The following FAM222B variants were observed in gnomAD, a reference collection of about 807,000 sequenced individuals.
The protein encoded by FAM222B is protein FAM222B.
A neutral mutation model predicts 38.0 loss-of-function variants in FAM222B; 12 were observed. That is an observed-to-expected ratio of 0.32 (90% confidence interval 0.20 to 0.51). The LOEUF (loss-of-function observed/expected upper bound fraction) is 0.51. FAM222B is among the 20% of genes least tolerant of loss of function. The probability of loss-of-function intolerance (pLI) is 0.97; values close to 1 mark genes in which losing one functional copy is unlikely to be tolerated. For missense variants in FAM222B, 716 were observed against 754.2 expected, an observed-to-expected ratio of 0.95 and a Z score of 0.59; for synonymous variants, 329 against 317.2, an observed-to-expected ratio of 1.04 and a Z score of -0.40.
intron 1 of FAM222B, among the ~76,000 whole-genome samples, chr17:28,791,675 ATTT>A (rs869183871): frequency 3.4e-5 from 4 of 116,852 alleles, no homozygotes; most frequent in African/African-American, 6.6e-5. Context: ...GAGCCCAGGA[ATTT>A]TTTTTTTTTT....
At chr17:28,786,934 T>C (rs969743920) in intron 1 of FAM222B, among the ~76,000 whole-genome samples, 11 of 129,912 alleles carry the variant, frequency 8.5e-5, no homozygotes, top group African/African-American at 3.2e-4. Context: ...AGACAGAGTC[T>C]CGCTCTGTCG....
intron 1 of FAM222B, among the ~76,000 whole-genome samples, chr17:28,828,095 ATTTTTTTTTTTTTTTT>A (rs528492764): frequency 2.7e-5 from 2 of 74,634 alleles, no homozygotes; most frequent in African/African-American, 1.4e-4. Context: ...ATCAAATCCA[ATTTTTTTTTTTTTTTT>A]TTTTTTTTTT....
chr17:28,810,453 AGCT>A (rs1443471443), intron 1 of FAM222B, among the ~76,000 whole-genome samples: 9 of 27,332 alleles, frequency 3.3e-4, no homozygotes, highest in African/African-American at 2.7e-3. Context: ...TTTATATACT[AGCT>A]AACTTTGTTT....
chr17:28,805,436 G>A (rs557364203), intron 1 of FAM222B, among the ~76,000 whole-genome samples: 1 of 152,228 alleles, frequency 6.6e-6, no homozygotes, highest in African/African-American at 2.4e-5. Context: ...TCAGGAGGCT[G>A]AGGCACAAGA....
intron 1 of FAM222B, among the ~76,000 whole-genome samples, chr17:28,772,710 T>C (rs2035696032): frequency 6.6e-6 from 1 of 151,120 alleles, no homozygotes; most frequent in South Asian, 2.1e-4. Context: ...GCCTGGCCAA[T>C]ATGGTGAAAC....
At chr17:28,778,717 ATATTTTTT>A (rs1284441638) in intron 1 of FAM222B, among the ~76,000 whole-genome samples, 2 of 58,386 alleles carry the variant, frequency 3.4e-5, no homozygotes, top group Non-Finnish European at 5.8e-5. Flanking sequence ...ATATATATAT[ATATTTTTT>A]TTTTTTTTTT....
chr17:28,830,491 T>C (rs1044474737), intron 1 of FAM222B, among the ~76,000 whole-genome samples: 8 of 152,272 alleles, frequency 5.3e-5, no homozygotes, highest in African/African-American at 1.4e-4. Flanking sequence ...GTATGTCTGA[T>C]ACATAATTGG....
chr17:28,849,229 C>A (rs2039165627), intron 1 of FAM222B: 1 of 150,760 alleles, frequency 6.6e-6, no homozygotes, highest in African/African-American at 2.4e-5. Flanking sequence ...CCACTGCACT[C>A]CAGCCTGGGA....
chr17:28,768,856 AAAAAG>A (rs1265268685), intron 1 of FAM222B, among the ~76,000 whole-genome samples: 38 of 151,470 alleles, frequency 2.5e-4, no homozygotes, highest in African/African-American at 8.7e-4. Flanking sequence ...AAAAAAAAAA[AAAAAG>A]AGAGACTTCT....
rs1351173527 is a variant in FAM222B at position 28,756,010 on chromosome 17, A to C, written c.*2260T>G. The C allele has an allele frequency of 6.6e-6, 1 of 152,602 alleles. No homozygotes were observed. Among genetic ancestry groups the C allele is most frequent in the East Asian group, 1.9e-4 (1 of 5,206 alleles). The allele number at this position is 152,602 out of a possible 1,614,324, so 9.5% of individuals were successfully genotyped here. A position where few individuals can be genotyped will look rare whatever the true frequency, so the allele number is the denominator to read the frequency against. ...TTTCTTATTTTTACTGGTTTATAATAATCTTAAAAACCCCATCACACCCAT... is the reference window on the plus strand; with the variant it reads ...TTTCTTATTTTTACTGGTTTATAATCATCTTAAAAACCCCATCACACCCAT... On this transcript the variant is annotated 3_prime_UTR_variant, in exon 3 of 3. Coordinates refer to ENST00000581407, the MANE Select transcript of FAM222B (RefSeq NM_001077498.3).
chr17:28,791,558 G>GCAAAAAA (rs541950464), intron 1 of FAM222B, among the ~76,000 whole-genome samples: 6 of 151,146 alleles, frequency 4.0e-5, no homozygotes, highest in Non-Finnish European at 7.4e-5. Flanking sequence ...CCATTGGAAA[G>GCAAAAAA]CAAAAAACAA....
chr17:28,790,883 A>AAAT (rs1567838640), intron 1 of FAM222B, among the ~76,000 whole-genome samples: 2 of 8,910 alleles, frequency 2.2e-4, no homozygotes, highest in African/African-American at 1.1e-3. Context: ...AAATTGTTTC[A>AAAT]CTTTTTTTTT....
intron 1 of FAM222B, among the ~76,000 whole-genome samples, chr17:28,808,302 G>A (rs1302841778): frequency 1.3e-5 from 2 of 152,132 alleles, no homozygotes; most frequent in Admixed American, 1.3e-4. Flanking sequence ...TGCCAGCCCA[G>A]GTTACCAAAA....
intron 1 of FAM222B, among the ~76,000 whole-genome samples, chr17:28,784,281 A>G (rs1373226178): frequency 2.0e-5 from 3 of 151,708 alleles, no homozygotes; most frequent in East Asian, 3.9e-4. Context: ...TAAGACCAGC[A>G]TGGGCAACGC....
chr17:28,784,889 T>G (rs1404135354), intron 1 of FAM222B, among the ~76,000 whole-genome samples: 5 of 151,916 alleles, frequency 3.3e-5, no homozygotes, highest in Non-Finnish European at 1.5e-5. Flanking sequence ...TAGGTGGGAC[T>G]ACAGGTGTGA....
Position 28,759,037 on chromosome 17 carries a change from T to TG in FAM222B, c.921dup (p.Thr308HisfsTer51). 1 of 1,612,720 alleles carries TG rather than the reference T, an allele frequency of 6.2e-7. No homozygotes were observed. Among genetic ancestry groups the TG allele is most frequent in the Non-Finnish European group, 8.5e-7 (1 of 1,179,412 alleles). On this transcript the variant is annotated frameshift_variant, in exon 3 of 3. Transcript: ENST00000581407. LOFTEE classifies it high-confidence loss of function. The surrounding 1 kb of genome is among the most constrained non-coding windows in gnomAD (Gnocchi z 4.8). Reference sequence around the variant, plus strand: ...GGGACGCTGTGGGTCGACACCCGGGTGCTTGCATTGATGAGCAGACTGCGA... The same window carrying TG: ...GGGACGCTGTGGGTCGACACCCGGGTGGCTTGCATTGATGAGCAGACTGCGA...
intron 1 of FAM222B, among the ~76,000 whole-genome samples, chr17:28,839,357 AC>A (rs976176991): frequency 2.0e-4 from 31 of 152,248 alleles, no homozygotes; most frequent in Admixed American, 1.0e-3. Context: ...ATACTAGCCC[AC>A]CCCTTTTTCT....
At chr17:28,789,294 G>A (rs1435830539) in intron 1 of FAM222B, among the ~76,000 whole-genome samples, 1 of 150,968 alleles carries the variant, frequency 6.6e-6, no homozygotes. Flanking sequence ...TACCTCCTGG[G>A]TTCAAGCAAC....
intron 1 of FAM222B, among the ~76,000 whole-genome samples, chr17:28,783,712 T>C (rs2036263398): frequency 6.6e-6 from 1 of 152,122 alleles, no homozygotes; most frequent in Non-Finnish European, 1.5e-5. Context: ...GGTTTCACCA[T>C]GTTGGCCAGG....
Sources: gnomAD v4.1 joint callset for allele counts (sites outside exome capture counted in the v4.1 genomes callset) on GRCh38, gnomAD v4.1.1 for gene constraint, Gnocchi (gnomAD v3.1) non-coding constraint, MANE v1.5 for transcripts, NCBI Gene and HGNC (gene_info 2026-07-23, HGNC 2026-07-21) for gene names.